The following IMPA2 variants were observed in gnomAD, a reference collection of about 807,000 sequenced individuals.
IMPA2 encodes the protein inositol monophosphatase 2, also known as IMP 2.
IMPA2 carries 32 observed loss-of-function variants against 35.1 expected under a neutral mutation model. The observed-to-expected ratio is 0.91, with a 90% confidence interval of 0.69 to 1.23. The LOEUF is 1.23. Among genes scored for constraint, IMPA2 ranks in the 50% most tolerant of loss-of-function variants. IMPA2 has a pLI of 0.00. For synonymous variants in IMPA2, 135 were observed against 160.6 expected, an observed-to-expected ratio of 0.84 and a Z score of 1.20; for missense variants, 334 against 387.6, an observed-to-expected ratio of 0.86 and a Z score of 1.16.
At chr18:12,022,002 A>G (rs189443630) in intron 5 of IMPA2, among the ~76,000 whole-genome samples, 21 of 152,274 alleles carry the variant, frequency 1.4e-4, no homozygotes, top group Admixed American at 1.4e-3. Flanking sequence ...GAGATGTCCT[A>G]TTTCAAAATG....
intron 5 of IMPA2, among the ~76,000 whole-genome samples, chr18:12,025,033 G>A (rs559071788): frequency 8.3e-4 from 126 of 152,152 alleles, no homozygotes; most frequent in Admixed American, 3.8e-3. Flanking sequence ...CCCATGCTCC[G>A]CCTATTCTTC....
At position 12,028,965 on chromosome 18, in the gene IMPA2, A is replaced by G. The variant is rs1291628244; in HGVS notation, c.723A>G (p.Glu241=). ...CGGCTGCCACAGTCATCATCAGAGA[A>G]GCAGGCGGCATCGTGATAGACACTT... ...DLAAATVIIR[E]AGGIVIDTSG... Residue 241 remains glutamate, a synonymous_variant, in exon 7 of 8, where the codon GAA becomes GAG. Coordinates refer to ENST00000269159, the MANE Select transcript of IMPA2 (RefSeq NM_014214.3). The G allele has an allele frequency of 6.2e-7, 1 of 1,613,906 alleles. No individual in the cohort carries two copies. The highest frequency in any genetic ancestry group is 1.1e-5 in the South Asian group (1 of 91,080).
intron 1 of IMPA2, among the ~76,000 whole-genome samples, chr18:11,982,716 C>T (rs558297298): frequency 6.6e-6 from 1 of 151,584 alleles, no homozygotes; most frequent in Non-Finnish European, 1.5e-5. Flanking sequence ...TCACTTGAAC[C>T]TGGGAGGCGA....
intron 1 of IMPA2, among the ~76,000 whole-genome samples, chr18:11,993,803 G>T (rs1906880317): frequency 6.6e-6 from 1 of 152,234 alleles, no homozygotes; most frequent in Non-Finnish European, 1.5e-5. Context: ...AAGACATGGA[G>T]GTACAGGAGG....
intron 5 of IMPA2, among the ~76,000 whole-genome samples, chr18:12,022,391 C>T (rs1009731123): frequency 6.6e-6 from 1 of 151,382 alleles, no homozygotes; most frequent in African/African-American, 2.4e-5. Context: ...AAAAATTAGC[C>T]GCATGCCTGT....
At chr18:11,986,247 T>A (rs1294700805) in intron 1 of IMPA2, among the ~76,000 whole-genome samples, 2 of 152,294 alleles carry the variant, frequency 1.3e-5, no homozygotes, top group Middle Eastern at 6.8e-3. Context: ...CGGCCAGATC[T>A]GGTCGCTCTG....
At position 12,028,024 on chromosome 18, in the gene IMPA2, G is replaced by A. The variant is rs200371882; in HGVS notation, c.491-19G>A. On this transcript the variant is annotated intron_variant, in intron 5 of 7. Transcript: ENST00000269159. ...CAAGACTTGATTTTTCTGGTGACAG[G>A]AAATTCTTTTTATTGCAGATCTCTC... is the stretch of plus-strand genomic sequence containing the variant. The A allele has an allele frequency of 8.0e-4, 1,251 of 1,564,110 alleles. 5 individuals are homozygous for A. The highest frequency in any genetic ancestry group is 3.0e-3 in the South Asian group (269 of 89,972).
At chr18:12,016,626 C>T (rs1907587033) in intron 5 of IMPA2, among the ~76,000 whole-genome samples, 1 of 151,986 alleles carries the variant, frequency 6.6e-6, no homozygotes, top group Non-Finnish European at 1.5e-5. Context: ...ACCATGTTGG[C>T]CAGGCTGGTC....
intron 4 of IMPA2, among the ~76,000 whole-genome samples, chr18:12,012,639 T>A (rs937171067): frequency 6.6e-6 from 1 of 152,250 alleles, no homozygotes; most frequent in African/African-American, 2.4e-5. Flanking sequence ...GTTATTAGCA[T>A]GAGAACATAG....
intron 2 of IMPA2, chr18:12,008,414 A>G (rs1429214995): frequency 1.9e-6 from 1 of 517,266 alleles, no homozygotes; most frequent in East Asian, 5.4e-5. Context: ...ATAGTCATGC[A>G]CAGAACAGAT....
chr18:12,025,394 A>T (rs1227018289), intron 5 of IMPA2, among the ~76,000 whole-genome samples: 2 of 152,220 alleles, frequency 1.3e-5, no homozygotes, highest in African/African-American at 4.8e-5. Flanking sequence ...ACCAAGGGGC[A>T]CGATTGCTGG....
intron 5 of IMPA2, among the ~76,000 whole-genome samples, chr18:12,014,596 C>T (rs6505707): frequency 0.12 from 17,562 of 152,072 alleles, 1,199 homozygotes; most frequent in Admixed American, 0.19. Context: ...TTCTGCTTTG[C>T]GCTCACATCC....
At chr18:12,028,791 C>A in intron 6 of IMPA2, 51 bp from the exon 7 acceptor site, 1 of 1,588,160 alleles carries the variant, frequency 6.3e-7, no homozygotes, top group Non-Finnish European at 8.6e-7. Context: ...TTGCACACCA[C>A]AGAAAAGGCT....
chr18:12,027,457 A>G (rs749190484), intron 5 of IMPA2, among the ~76,000 whole-genome samples: 4 of 151,936 alleles, frequency 2.6e-5, no homozygotes, highest in South Asian at 4.1e-4. Flanking sequence ...TGGTATTTCT[A>G]TCGTTGCGAT....
chr18:12,028,933 G>T lies in IMPA2; in HGVS notation c.691G>T (p.Asp231Tyr). The change falls in exon 7 of 8, where the codon GAT becomes TAT. Residue 231 changes from aspartate (D) to tyrosine (Y), a missense_variant. Physicochemically the swap from Asp to Tyr is radical, Grantham distance 160 (BLOSUM62 -3). Coordinates refer to ENST00000269159, the MANE Select transcript of IMPA2 (RefSeq NM_014214.3). ...AYYQFGLHCWDLAAATVIIRE... is the reference protein window; with the variant it reads ...AYYQFGLHCWYLAAATVIIRE... Reference sequence around the variant, plus strand: ...TTACCAGTTTGGCCTGCACTGCTGGGATCTGGCGGCTGCCACAGTCATCAT... The same window carrying T: ...TTACCAGTTTGGCCTGCACTGCTGGTATCTGGCGGCTGCCACAGTCATCAT... The T allele has an allele frequency of 6.2e-7, 1 of 1,614,050 alleles. No individual in the cohort carries two copies. Among genetic ancestry groups the T allele is most frequent in the Non-Finnish European group, 8.5e-7 (1 of 1,180,042 alleles).
At chr18:12,003,287 C>T (rs1907162856) in intron 2 of IMPA2, among the ~76,000 whole-genome samples, 1 of 152,172 alleles carries the variant, frequency 6.6e-6, no homozygotes, top group South Asian at 2.1e-4. Context: ...AACTCCTCAC[C>T]TGTGAATGAG....
chr18:12,029,064 T>A, intron 7 of IMPA2, 71 bp downstream of exon 7: 1 of 1,335,570 alleles, frequency 7.5e-7, no homozygotes, highest in Non-Finnish European at 1.0e-6. Flanking sequence ...GGGCACTTCC[T>A]GAAGTCCCCA....
intron 1 of IMPA2, among the ~76,000 whole-genome samples, chr18:11,996,876 A>G (rs1645675385): frequency 6.6e-6 from 1 of 151,836 alleles, no homozygotes; most frequent in Non-Finnish European, 1.5e-5. Context: ...ACACCCAGAA[A>G]TCCATACACA....
At chr18:11,997,490 T>C (rs1297448096) in intron 1 of IMPA2, among the ~76,000 whole-genome samples, 1 of 152,074 alleles carries the variant, frequency 6.6e-6, no homozygotes, top group Non-Finnish European at 1.5e-5. Context: ...ATCTGTTTTT[T>C]TTGCAACCAA....
Sources: gnomAD v4.1 joint callset for allele counts (sites outside exome capture counted in the v4.1 genomes callset) on GRCh38, gnomAD v4.1.1 for gene constraint, MANE v1.5 for transcripts, NCBI Gene and HGNC (gene_info 2026-07-23, HGNC 2026-07-21) for gene names.